The following C4orf36 variants were observed in gnomAD, a reference collection of about 807,000 sequenced individuals.
C4orf36 encodes the protein uncharacterized protein C4orf36.
Under a neutral mutation model 12.2 loss-of-function variants are expected in C4orf36, and 11 were observed. The ratio of observed to expected loss-of-function variants is 0.90; its 90% confidence interval spans 0.57 to 1.49. C4orf36 has a LOEUF of 1.49. Ranked by LOEUF, C4orf36 falls within the 40% of genes most tolerant of loss-of-function variation. The probability of loss-of-function intolerance (pLI) is 0.00; values close to 1 mark genes in which losing one functional copy is unlikely to be tolerated. For synonymous variants in C4orf36, 54 were observed against 51.3 expected (o/e 1.05, Z -0.22); for missense variants, 137 against 133.9 (o/e 1.02, Z -0.11).
intron 4 of C4orf36, among the ~76,000 whole-genome samples, chr4:86,879,016 C>A (rs1351145962): frequency 6.6e-6 from 1 of 152,198 alleles, no homozygotes; most frequent in African/African-American, 2.4e-5. Flanking sequence ...CCCTCCCCTG[C>A]ATGAAGCCAA....
chr4:86,928,161 A>G, the C4orf36 span, among the ~76,000 whole-genome samples: 2 of 152,238 alleles, frequency 1.3e-5, no homozygotes. Context: ...CACTCATGCC[A>G]GGTAGTTCAG....
chr4:86,900,729 A>G, the C4orf36 span, among the ~76,000 whole-genome samples: 2 of 152,108 alleles, frequency 1.3e-5, no homozygotes, highest in Non-Finnish European at 2.9e-5. Context: ...GCCTGAAATC[A>G]GGCTGGACTT....
At chr4:86,892,558 C>G, upstream of C4orf36, 2 of 742,654 alleles carry the variant, frequency 2.7e-6, no homozygotes, top group Non-Finnish European at 3.3e-6. Flanking sequence ...GGGCAGGCCG[C>G]GCTCTCGGAA....
At chr4:86,909,072 T>C in the C4orf36 span, among the ~76,000 whole-genome samples, 1 of 152,202 alleles carries the variant, frequency 6.6e-6, no homozygotes, top group African/African-American at 2.4e-5. Flanking sequence ...TCTCTCTGTG[T>C]CCTTCTCCCA....
upstream of C4orf36, among the ~76,000 whole-genome samples, chr4:86,894,035 T>A (rs1379049923): frequency 2.7e-5 from 4 of 149,692 alleles, no homozygotes; most frequent in East Asian, 2.0e-4. Context: ...TAGCTGGGAC[T>A]ACAGGCGCCC....
chr4:86,912,910 CT>C, the C4orf36 span, among the ~76,000 whole-genome samples: 549 of 141,330 alleles, frequency 3.9e-3, 1 homozygote, highest in African/African-American at 0.012. Flanking sequence ...TTTCGCTTTT[CT>C]TTTTTTTTTT....
the C4orf36 span, among the ~76,000 whole-genome samples, chr4:86,906,247 C>T: frequency 6.6e-6 from 1 of 152,128 alleles, no homozygotes; most frequent in African/African-American, 2.4e-5. Flanking sequence ...GAGGAGGGCC[C>T]TGCATGTTTC....
chr4:86,894,414 A>G (rs1747547270), upstream of C4orf36, among the ~76,000 whole-genome samples: 1 of 152,124 alleles, frequency 6.6e-6, no homozygotes, highest in Admixed American at 6.6e-5. Flanking sequence ...TTCTTAGGTG[A>G]TTTTATTTTA....
chr4:86,907,774 C>T, the C4orf36 span, among the ~76,000 whole-genome samples: 7 of 151,776 alleles, frequency 4.6e-5, no homozygotes, highest in South Asian at 2.1e-4. Context: ...GCCAGGAGTT[C>T]GAGACCAACA....
At chr4:86,913,792 T>C in the C4orf36 span, 13 of 1,184,118 alleles carry the variant, frequency 1.1e-5, no homozygotes, top group African/African-American at 1.7e-4. Context: ...GGCATCTTGC[T>C]GCCCCAGTGC....
the C4orf36 span, among the ~76,000 whole-genome samples, chr4:86,928,325 C>G: frequency 2.0e-5 from 3 of 152,136 alleles, no homozygotes; most frequent in African/African-American, 7.2e-5. Flanking sequence ...GAAGCTGGGG[C>G]TATGGGGGAG....
the C4orf36 span, chr4:86,913,457 A>G: frequency 1.3e-6 from 1 of 762,160 alleles, no homozygotes; most frequent in Non-Finnish European, 2.4e-6. Flanking sequence ...ATGTTGCAAA[A>G]GCATTCATGA....
At chr4:86,896,441 T>C (rs372801670), upstream of C4orf36, among the ~76,000 whole-genome samples, 3 of 152,234 alleles carry the variant, frequency 2.0e-5, no homozygotes, top group South Asian at 6.2e-4. Context: ...TAATGACTAT[T>C]ATAAAACTCT....
At chr4:86,904,738 T>C in the C4orf36 span, among the ~76,000 whole-genome samples, 16 of 151,930 alleles carry the variant, frequency 1.1e-4, no homozygotes, top group African/African-American at 3.1e-4. Flanking sequence ...TAAATAATAA[T>C]AATAATAATT....
the C4orf36 span, among the ~76,000 whole-genome samples, chr4:86,907,826 A>G: frequency 1.3e-5 from 2 of 151,896 alleles, no homozygotes. Context: ...AAAATTAGCC[A>G]GGCATGGTAG....
the C4orf36 span, chr4:86,935,060 C>A: frequency 2.6e-5 from 4 of 151,978 alleles, no homozygotes; most frequent in South Asian, 4.1e-4. Context: ...ACTCGGCCGC[C>A]GCCTGCGCGC....
the C4orf36 span, chr4:86,933,344 C>T: frequency 1.3e-5 from 2 of 152,130 alleles, no homozygotes; most frequent in East Asian, 1.9e-4. Context: ...CAATATGGCT[C>T]GTCACCTAGC....
At chr4:86,895,870 T>C (rs1747580710), upstream of C4orf36, among the ~76,000 whole-genome samples, 1 of 152,232 alleles carries the variant, frequency 6.6e-6, no homozygotes, top group Non-Finnish European at 1.5e-5. Flanking sequence ...GCTTCACCCA[T>C]CTCTTCTATG....
chr4:86,882,866 TG>T (rs1016861928), intron 4 of C4orf36, among the ~76,000 whole-genome samples: 24 of 152,162 alleles, frequency 1.6e-4, no homozygotes, highest in African/African-American at 5.8e-4. Context: ...TACTTTACTG[TG>T]TGATACACGC....
Sources: allele counts gnomAD v4.1 joint callset (sites outside exome capture counted in the v4.1 genomes callset), GRCh38; gene constraint gnomAD v4.1.1; transcripts MANE v1.5; gene names NCBI Gene and HGNC (gene_info 2026-07-23, HGNC 2026-07-21).